The following PTPN2 variants were observed in gnomAD, a reference collection of about 807,000 sequenced individuals.
The protein encoded by PTPN2 is tyrosine-protein phosphatase non-receptor type 2.
A neutral mutation model predicts 57.3 loss-of-function variants in PTPN2; 19 were observed. The observed-to-expected ratio is 0.33, with a 90% CI of 0.23 to 0.49. PTPN2 has a LOEUF of 0.49. Ranked by LOEUF, PTPN2 falls within the 20% of genes least tolerant of loss-of-function variation. The probability of loss-of-function intolerance (pLI) is 0.99; values close to 1 mark genes in which losing one functional copy is unlikely to be tolerated. For missense variants in PTPN2, 358 were observed against 501.1 expected (o/e 0.71, Z 2.73); for synonymous variants, 153 against 164.9 (o/e 0.93, Z 0.55).
At chr18:12,802,252 A>C in intron 7 of PTPN2, 101 bp from the exon 8 acceptor site, 3 of 935,726 alleles carry the variant, frequency 3.2e-6, no homozygotes, top group South Asian at 3.5e-5. Flanking sequence ...CAAGTTAAGA[A>C]AACCCAATGA....
chr18:12,801,482 G>C (rs889977261), intron 8 of PTPN2, among the ~76,000 whole-genome samples: 3 of 151,848 alleles, frequency 2.0e-5, no homozygotes, highest in Non-Finnish European at 4.4e-5. Flanking sequence ...CTCTAGCCTG[G>C]GTGACAGAGA....
intron 2 of PTPN2, among the ~76,000 whole-genome samples, chr18:12,853,004 T>TA: frequency 6.6e-6 from 1 of 152,358 alleles, no homozygotes; most frequent in South Asian, 2.1e-4. Context: ...TGTCATATCT[T>TA]ACAATATCTG....
chr18:12,859,326 C>A (rs927145856), intron 1 of PTPN2, 72 bp from the exon 2 acceptor site: 1 of 1,037,164 alleles, frequency 9.6e-7, no homozygotes, highest in Non-Finnish European at 1.4e-6. Flanking sequence ...TCCCAGCCAG[C>A]GTAAAATAAC....
intron 2 of PTPN2, among the ~76,000 whole-genome samples, chr18:12,851,352 G>A (rs2043388391): frequency 2.4e-5 from 1 of 40,852 alleles, no homozygotes; most frequent in Non-Finnish European, 6.6e-5. Context: ...GGTGGCGGGC[G>A]CCTGTAGTCC....
At chr18:12,837,462 C>G (rs1422333896) in intron 2 of PTPN2, among the ~76,000 whole-genome samples, 5 of 152,112 alleles carry the variant, frequency 3.3e-5, no homozygotes, top group African/African-American at 1.2e-4. Flanking sequence ...ACTACTTAGA[C>G]TCTGTTAACA....
At chr18:12,786,041 A>G in intron 9 of PTPN2, 1 of 564,684 alleles carries the variant, frequency 1.8e-6, no homozygotes, top group Non-Finnish European at 3.1e-6. Context: ...TGGATTTCCA[A>G]ACGATGGTGG....
chr18:12,808,378 A>G (rs993596520), intron 7 of PTPN2, among the ~76,000 whole-genome samples: 3 of 152,340 alleles, frequency 2.0e-5, no homozygotes, highest in African/African-American at 4.8e-5. Context: ...CACAAAGAAA[A>G]GATAAATGTA....
At chr18:12,791,778 GACAGAAAGCAT>G (rs1218669478), downstream of PTPN2, among the ~76,000 whole-genome samples, 23 of 152,132 alleles carry the variant, frequency 1.5e-4, no homozygotes, top group African/African-American at 5.3e-4. Context: ...CACCCAGAAG[GACAGAAAGCAT>G]ACAGAAAGCA....
intron 6 of PTPN2, 52 bp from the exon 7 acceptor site, chr18:12,814,407 CAG>C: frequency 6.8e-7 from 1 of 1,467,924 alleles, no homozygotes. Context: ...ACCCAGGAAA[CAG>C]AATCAATGCA....
chr18:12,803,751 G>C (rs1226454774), intron 7 of PTPN2, among the ~76,000 whole-genome samples: 1 of 152,138 alleles, frequency 6.6e-6, no homozygotes, highest in Non-Finnish European at 1.5e-5. Context: ...CATCTAAAGG[G>C]AGACATAGAC....
At chr18:12,855,529 T>G (rs2043557519) in intron 2 of PTPN2, among the ~76,000 whole-genome samples, 1 of 152,034 alleles carries the variant, frequency 6.6e-6, no homozygotes, top group African/African-American at 2.4e-5. Flanking sequence ...TGATAGAACA[T>G]GAAGCTAAGG....
chr18:12,858,766 T>C (rs1182003320), intron 2 of PTPN2, among the ~76,000 whole-genome samples: 1 of 152,152 alleles, frequency 6.6e-6, no homozygotes, highest in African/African-American at 2.4e-5. Context: ...ACTACTCTTA[T>C]AACTTGGGGA....
At chr18:12,843,363 T>C (rs779340306) in intron 2 of PTPN2, among the ~76,000 whole-genome samples, 25 of 152,156 alleles carry the variant, frequency 1.6e-4, no homozygotes, top group Non-Finnish European at 5.9e-5. Flanking sequence ...TCCTTGGTAA[T>C]TCCTATTTTA....
intron 2 of PTPN2, among the ~76,000 whole-genome samples, chr18:12,843,749 T>C (rs1360685404): frequency 6.6e-6 from 1 of 152,374 alleles, no homozygotes; most frequent in South Asian, 2.1e-4. Flanking sequence ...CAGGGCCTAG[T>C]TCCAGAAGGC....
intron 3 of PTPN2, among the ~76,000 whole-genome samples, chr18:12,832,588 T>C (rs1417965480): frequency 6.6e-6 from 1 of 152,222 alleles, no homozygotes; most frequent in Admixed American, 6.5e-5. Context: ...ACTCAACTTA[T>C]TTTTCTATTA....
chr18:12,859,285 C>A, intron 1 of PTPN2, 31 bp from the exon 2 acceptor site: 1 of 1,447,332 alleles, frequency 6.9e-7, no homozygotes, highest in South Asian at 1.2e-5. Flanking sequence ...TTTTAATATC[C>A]CTCTTAAATT....
chr18:12,871,638 A>T (rs1568171581), intron 1 of PTPN2, among the ~76,000 whole-genome samples: 1 of 152,218 alleles, frequency 6.6e-6, no homozygotes, highest in Non-Finnish European at 1.5e-5. Context: ...ACATGGCATT[A>T]AAAAATCCTT....
At chr18:12,874,685 G>A (rs1452171328) in intron 1 of PTPN2, among the ~76,000 whole-genome samples, 4 of 150,424 alleles carry the variant, frequency 2.7e-5, no homozygotes, top group African/African-American at 9.8e-5. Context: ...AGGGAGGTGG[G>A]GGGGTCAACC....
intron 3 of PTPN2, among the ~76,000 whole-genome samples, chr18:12,835,865 G>A (rs1399339380): frequency 1.3e-5 from 2 of 152,054 alleles, no homozygotes; most frequent in Admixed American, 1.3e-4. Flanking sequence ...CTTTGAACTA[G>A]GAGTTTATGT....
Sources: allele counts gnomAD v4.1 joint callset (sites outside exome capture counted in the v4.1 genomes callset), GRCh38; gene constraint gnomAD v4.1.1; transcripts MANE v1.5; gene names NCBI Gene and HGNC (gene_info 2026-07-23, HGNC 2026-07-21).